The following RIN2 variants were observed in gnomAD, a reference collection of about 807,000 sequenced individuals.
RIN2 encodes RAB5 interacting protein 2.
Under a neutral mutation model 78.0 loss-of-function variants are expected in RIN2, and 36 were observed. The ratio of observed to expected loss-of-function variants is 0.46; its 90% CI spans 0.35 to 0.61. The LOEUF is 0.61. Among genes scored for constraint, RIN2 ranks in the 20% least tolerant of loss-of-function variants. The pLI is 0.00. For synonymous variants in RIN2, 466 were observed against 466.8 expected (o/e 1.00, Z 0.02); for missense variants, 1,087 against 1,159.7 (o/e 0.94, Z 0.91).
chr20:19,844,665 TC>T (rs2036708338), intron 2 of RIN2, among the ~76,000 whole-genome samples: 1 of 136,024 alleles, frequency 7.4e-6, no homozygotes, highest in African/African-American at 2.9e-5. Context: ...TTCTTCTTCT[TC>T]TTCCTTCTTC....
intron 3 of RIN2, among the ~76,000 whole-genome samples, chr20:19,911,766 A>G (rs2039478546): frequency 1.3e-5 from 2 of 152,244 alleles, no homozygotes; most frequent in Admixed American, 6.5e-5. Flanking sequence ...TGTCACATAC[A>G]TGCAGAAAGT....
At chr20:19,988,852 C>T (rs1315279072) in intron 9 of RIN2, among the ~76,000 whole-genome samples, 1 of 151,894 alleles carries the variant, frequency 6.6e-6, no homozygotes, top group African/African-American at 2.4e-5. Flanking sequence ...ACTCAGATTC[C>T]CAAATGTTAG....
At chr20:19,862,806 G>T (rs1004716496) in intron 2 of RIN2, among the ~76,000 whole-genome samples, 7 of 152,202 alleles carry the variant, frequency 4.6e-5, no homozygotes, top group African/African-American at 1.7e-4. Flanking sequence ...TGTTCCCAGT[G>T]CTTGGGAGCA....
chr20:19,962,294 AAAAAC>A (rs948027512), intron 6 of RIN2, among the ~76,000 whole-genome samples: 1 of 152,002 alleles, frequency 6.6e-6, no homozygotes, highest in African/African-American at 2.4e-5. Flanking sequence ...TTAAAAATGA[AAAAAC>A]AACCCAAAAA....
intron 9 of RIN2, among the ~76,000 whole-genome samples, chr20:19,979,969 G>A (rs1253720001): frequency 2.6e-5 from 4 of 151,084 alleles, no homozygotes; most frequent in African/African-American, 7.3e-5. Context: ...ACTTGAACCC[G>A]GGAGGCGGAG....
At position 19,956,552 on chromosome 20, in the gene RIN2, C is replaced by T. The variant is rs751813189; in HGVS notation, c.159-63C>T. Reference sequence around the variant, plus strand: ...AGCCTGGCCTATGAACTTGTAGGGACGGTCTCCTTGTTAGGGAAATGGTAC... The same window carrying T: ...AGCCTGGCCTATGAACTTGTAGGGATGGTCTCCTTGTTAGGGAAATGGTAC... On this transcript the variant is annotated intron_variant, in intron 4 of 12. Transcript: ENST00000255006. The T allele has an allele frequency of 3.7e-5, 56 of 1,499,136 alleles. No individual in the cohort carries two copies. The Admixed American group carries it at 4.1e-4, about 11-fold the overall frequency. 92.9% of individuals were successfully genotyped at this position (1,499,136 alleles called of 1,614,324 possible).
chr20:19,985,128 G>A (rs1225224823), intron 9 of RIN2, among the ~76,000 whole-genome samples: 2 of 152,160 alleles, frequency 1.3e-5, no homozygotes, highest in South Asian at 4.1e-4. Flanking sequence ...GGCCAGCAGT[G>A]GAAATGCAGA....
At chr20:19,984,849 G>A (rs746220995) in intron 9 of RIN2, among the ~76,000 whole-genome samples, 16 of 152,180 alleles carry the variant, frequency 1.1e-4, no homozygotes, top group Non-Finnish European at 1.5e-4. Flanking sequence ...TGAAGCATGT[G>A]ATTATATTAC....
intron 1 of RIN2, among the ~76,000 whole-genome samples, chr20:19,790,523 G>A (rs966094337): frequency 6.6e-6 from 1 of 152,144 alleles, no homozygotes; most frequent in Non-Finnish European, 1.5e-5. Flanking sequence ...TGGGCTCTGT[G>A]GCTTGCACTT....
chr20:19,956,138 A>T (rs2041519088), intron 4 of RIN2, among the ~76,000 whole-genome samples: 1 of 151,606 alleles, frequency 6.6e-6, no homozygotes, highest in Non-Finnish European at 1.5e-5. Flanking sequence ...TGCGCCTATA[A>T]TCCCAGCTAC....
intron 1 of RIN2, among the ~76,000 whole-genome samples, chr20:19,791,416 A>C (rs2034886130): frequency 6.6e-6 from 1 of 152,196 alleles, no homozygotes; most frequent in South Asian, 2.1e-4. Flanking sequence ...AGGCTTAGAT[A>C]ATTTAAGGTC....
chr20:19,913,597 C>T (rs1308997214), intron 3 of RIN2, among the ~76,000 whole-genome samples: 6 of 152,172 alleles, frequency 3.9e-5, no homozygotes, highest in Non-Finnish European at 8.8e-5. Context: ...CCTCCTTTTC[C>T]TCAACCCCTG....
intron 2 of RIN2, among the ~76,000 whole-genome samples, chr20:19,870,487 A>G (rs2037658002): frequency 6.6e-6 from 1 of 152,124 alleles, no homozygotes; most frequent in East Asian, 1.9e-4. Flanking sequence ...TCTCTACTAA[A>G]AATACAAAAA....
intron 4 of RIN2, among the ~76,000 whole-genome samples, chr20:19,938,685 T>C (rs1307136988): frequency 1.3e-5 from 2 of 152,230 alleles, no homozygotes; most frequent in Admixed American, 1.3e-4. Context: ...AGTGAGTTAA[T>C]AGCTGTCAAG....
At chr20:19,853,128 C>T (rs1345117652) in intron 2 of RIN2, among the ~76,000 whole-genome samples, 1 of 149,176 alleles carries the variant, frequency 6.7e-6, no homozygotes, top group South Asian at 2.1e-4. Context: ...TGAGAATATG[C>T]GGTGTTTGGT....
rs2036859697 is a variant in RIN2 at position 19,848,594 on chromosome 20, A to T, written c.-36-40972A>T. On this transcript the variant is annotated intron_variant, in intron 2 of 12. Coordinates refer to ENST00000255006, the MANE Select transcript of RIN2 (RefSeq NM_018993.4). ...TTCTGGAAGATCTGACTAAAAGAAA[A>T]AAAGCCGGAGATGTACATCTGCTCT... Among the ~76,000 whole-genome samples, 3 of 152,166 alleles carry T rather than the reference A, an allele frequency of 2.0e-5. No individual in the cohort carries two copies. The South Asian group carries it at 6.2e-4, about 32-fold the overall frequency.
intron 2 of RIN2, among the ~76,000 whole-genome samples, chr20:19,879,180 T>G (rs956143080): frequency 2.0e-5 from 3 of 152,362 alleles, no homozygotes; most frequent in African/African-American, 7.2e-5. Context: ...GACAGACTTT[T>G]AAACATGCCT....
At chr20:19,992,562 A>G (rs560383036) in intron 11 of RIN2, among the ~76,000 whole-genome samples, 1 of 152,314 alleles carries the variant, frequency 6.6e-6, no homozygotes, top group East Asian at 1.9e-4. Context: ...TTTTTTATTA[A>G]TTTAAAAGAG....
At chr20:19,969,598 A>G (rs2042041525) in intron 7 of RIN2, among the ~76,000 whole-genome samples, 1 of 151,950 alleles carries the variant, frequency 6.6e-6, no homozygotes, top group Non-Finnish European at 1.5e-5. Context: ...GTATTTGTTT[A>G]TTGTCTATCG....
Sources: allele counts gnomAD v4.1 joint callset (sites outside exome capture counted in the v4.1 genomes callset), GRCh38; gene constraint gnomAD v4.1.1; transcripts MANE v1.5; gene names NCBI Gene and HGNC (gene_info 2026-07-23, HGNC 2026-07-21).